The following EEF1D variants were observed in gnomAD, a reference collection of about 807,000 sequenced individuals.
EEF1D encodes eukaryotic translation elongation factor 1 delta.
In EEF1D, 47 loss-of-function variants were observed where a neutral mutation model predicts 63.9. That is an observed-to-expected ratio of 0.74 (90% CI 0.58 to 0.94). The LOEUF (loss-of-function observed/expected upper bound fraction) is 0.94. Ranked by LOEUF, EEF1D falls within the 40% of genes least tolerant of loss-of-function variation. The pLI, the probability that EEF1D is intolerant of heterozygous loss-of-function variation, is 0.00. For missense variants in EEF1D, 907 were observed against 899.0 expected (o/e 1.01, Z -0.11); for synonymous variants, 412 against 386.1 (o/e 1.07, Z -0.79).
Position 143,589,785 on chromosome 8 carries a change from C to T in EEF1D, c.297G>A (p.Ala99=), listed in dbSNP as rs61757370. Residue 99 remains alanine, a synonymous_variant, in exon 3 of 10, where the codon GCG becomes GCA. Transcript: ENST00000618139. The part of the protein sequence containing the change: ...KRSPKSGLGP[A]DLALLGLSAE... ...CCGAGAGGCCCAGGAGGGCCAGGTC[C>T]GCGGGGCCGAGCCCGCTCTTGGGGG... The T allele has an allele frequency of 3.2e-3, 5,011 of 1,572,256 alleles. 115 individuals carry two copies. In the African/African-American group the frequency reaches 0.046, roughly 14 times the overall value.
chr8:143,592,059 A>C, intron 2 of EEF1D: 7 of 983,304 alleles, frequency 7.1e-6, no homozygotes, highest in Non-Finnish European at 7.2e-6. Flanking sequence ...TCCCCTGCTC[A>C]TTCCTTCCCC....
intron 3 of EEF1D, among the ~76,000 whole-genome samples, chr8:143,588,124 T>C (rs1399138538): frequency 1.3e-5 from 2 of 151,644 alleles, no homozygotes; most frequent in Non-Finnish European, 2.9e-5. Context: ...GGGCAGGAGG[T>C]AGCATTCCCC....
chr8:143,585,990 G>A (rs1004406433), intron 5 of EEF1D: 2 of 469,118 alleles, frequency 4.3e-6, no homozygotes, highest in Non-Finnish European at 7.6e-6. Context: ...CGGCCAGTGT[G>A]ACCGCCAGCC....
intron 2 of EEF1D, among the ~76,000 whole-genome samples, chr8:143,591,359 A>G (rs1008334335): frequency 6.6e-6 from 1 of 152,192 alleles, no homozygotes; most frequent in Non-Finnish European, 1.5e-5. Flanking sequence ...TCCAGCAGCC[A>G]TGTGGGATCC....
Position 143,580,627 on chromosome 8 carries a change from T to A in EEF1D, c.1589A>T (p.Asn530Ile). Residue 530 changes from asparagine to isoleucine, a missense_variant, in exon 8 of 10, where the codon AAT becomes ATT. Transcript: ENST00000618139. Reference sequence around the variant, plus strand: ...TGCCGCCTCCTTGTCCTCCTCCTCATTGTCACTGCCAAACAGGTCAATGTC... The same window carrying A: ...TGCCGCCTCCTTGTCCTCCTCCTCAATGTCACTGCCAAACAGGTCAATGTC... ...DDDIDLFGSD[N>I]EEEDKEAAQL... 1 of 1,613,876 alleles carries A rather than the reference T, an allele frequency of 6.2e-7. No homozygotes were observed. The highest frequency in any genetic ancestry group is 8.5e-7 in the Non-Finnish European group (1 of 1,179,910).
intron 1 of EEF1D, chr8:143,596,999 G>C (rs545340220): frequency 6.6e-6 from 1 of 152,300 alleles, no homozygotes; most frequent in Non-Finnish European, 1.5e-5. Context: ...CAGAGAAACA[G>C]CTGGGGCAGA....
At position 143,579,813 on chromosome 8, in the gene EEF1D, G is replaced by A. The variant is rs749870597; in HGVS notation, c.1923C>T (p.Ile641=). 3.8e-5 allele frequency: 59 copies of A among 1,566,492 alleles called. No individual in the cohort carries two copies. Among genetic ancestry groups the A allele is most frequent in the Non-Finnish European group, 4.9e-5 (56 of 1,153,706 alleles). The part of the protein sequence containing the change: ...KFEEHVQSVD[I]AAFNKI ...GGCTTCAGATCTTGTTGAAAGCTGC[G>A]ATATCGACACTCTGCACCTGAGGAG... Residue 641 remains isoleucine, a synonymous_variant, in exon 10 of 10, where the codon ATC becomes ATT. Coordinates refer to ENST00000618139, the MANE Select transcript of EEF1D (RefSeq NM_001130053.5).
At chr8:143,593,418 A>G (rs1257998097) in intron 1 of EEF1D, among the ~76,000 whole-genome samples, 1 of 152,194 alleles carries the variant, frequency 6.6e-6, no homozygotes, top group Admixed American at 6.5e-5. Flanking sequence ...CTGAAAGCCC[A>G]GCCACCAGCC....
intron 1 of EEF1D, chr8:143,593,779 G>T: frequency 1.1e-6 from 1 of 869,778 alleles, no homozygotes; most frequent in Non-Finnish European, 1.4e-6. Context: ...ACTAACAGCG[G>T]GCAGAGAGCC....
At chr8:143,588,091 C>A (rs1317520658) in intron 3 of EEF1D, among the ~76,000 whole-genome samples, 1 of 152,212 alleles carries the variant, frequency 6.6e-6, no homozygotes, top group African/African-American at 2.4e-5. Context: ...ACCAGGCCAC[C>A]GTGAACACCA....
At chr8:143,590,139 C>A (rs1827684371) in intron 2 of EEF1D, 58 bp from the exon 3 acceptor site, 5 of 1,596,774 alleles carry the variant, frequency 3.1e-6, no homozygotes, top group Non-Finnish European at 4.2e-6. Context: ...CAGCGGGTGG[C>A]CGCAGCCCCG....
intron 4 of EEF1D, 29 bp downstream of exon 4, chr8:143,586,700 C>A: frequency 6.2e-7 from 1 of 1,606,982 alleles, no homozygotes; most frequent in Non-Finnish European, 8.5e-7. Context: ...GCAGCAGAGC[C>A]GCCCAGCCGC....
chr8:143,595,346 C>T (rs1828624934), intron 1 of EEF1D, among the ~76,000 whole-genome samples: 1 of 152,112 alleles, frequency 6.6e-6, no homozygotes, highest in African/African-American at 2.4e-5. Context: ...GCTGGGATTA[C>T]AGACATGAGC....
At position 143,589,079 on chromosome 8, in the gene EEF1D, G is replaced by A. The variant is rs1248458557; in HGVS notation, c.1003C>T (p.Leu335=). The A allele has an allele frequency of 4.4e-6, 7 of 1,609,076 alleles. No individual in the cohort carries two copies. Among genetic ancestry groups the A allele is most frequent in the Non-Finnish European group, 5.9e-6 (7 of 1,179,252 alleles). ...AECRHHAAEA[L]RVAWCLEAAS... The stretch of plus-strand genomic sequence containing the variant: ...GCTTCGAGGCACCAGGCCACCCGCA[G>A]GGCCTCGGCAGCGTGGTGGCGGCAC... Residue 335 remains leucine (L), a synonymous_variant, in exon 3 of 10, where the codon CTG becomes TTG. Transcript: ENST00000618139.
chr8:143,587,079 G>A (rs1826807023), intron 3 of EEF1D: 1 of 454,508 alleles, frequency 2.2e-6, no homozygotes. Flanking sequence ...AGGGTCCCCA[G>A]GCCCTTCCCT....
At chr8:143,586,331 T>A (rs751417628) in intron 4 of EEF1D, 41 bp from the exon 5 acceptor site, 1 of 1,458,880 alleles carries the variant, frequency 6.9e-7, no homozygotes, top group South Asian at 1.4e-5. Flanking sequence ...TTTTTATTAT[T>A]AAAAAAGAAT....
In EEF1D at chr8:143,597,368, G is replaced by C. The variant is rs1386012981; in HGVS notation, c.-35C>G. ...CTCACACGCCAGCCAAGGACGCGGC[G>C]ACCAAGGAGGAGGAATCGGCGGACG... is the stretch of plus-strand genomic sequence containing the variant. On this transcript the variant is annotated 5_prime_UTR_variant, in exon 1 of 10. Coordinates refer to ENST00000618139, the MANE Select transcript of EEF1D (RefSeq NM_001130053.5). 2 of 152,082 alleles carry C rather than the reference G, an allele frequency of 1.3e-5. No individual in the cohort carries two copies. Among genetic ancestry groups the C allele is most frequent in the African/African-American group, 4.8e-5 (2 of 41,408 alleles). The allele number at this position is 152,082 out of a possible 1,614,324, so 9.4% of individuals were successfully genotyped here. A position where few individuals can be genotyped will look rare whatever the true frequency, so the allele number is the denominator to read the frequency against.
intron 2 of EEF1D, 67 bp downstream of exon 2, chr8:143,592,580 C>A: frequency 1.0e-6 from 1 of 981,454 alleles, no homozygotes. Flanking sequence ...CCCTCAGGTG[C>A]AGCGAGGGCT....
At chr8:143,585,939 T>G (rs1826497598) in intron 5 of EEF1D, 2 of 433,900 alleles carry the variant, frequency 4.6e-6, no homozygotes, top group Admixed American at 3.8e-5. Flanking sequence ...CAGGACACCC[T>G]GCAAATGGCA....
Sources: gnomAD v4.1 joint callset for allele counts (sites outside exome capture counted in the v4.1 genomes callset) on GRCh38, gnomAD v4.1.1 for gene constraint, MANE v1.5 for transcripts, NCBI Gene and HGNC (gene_info 2026-07-23, HGNC 2026-07-21) for gene names.